The following CNTNAP2 variants were observed in gnomAD, a reference collection of about 807,000 sequenced individuals.
CNTNAP2 encodes contactin associated protein 2, also known as contactin-associated protein-like 2.
CNTNAP2 carries 98 observed loss-of-function variants against 155.2 expected under a neutral mutation model. The ratio of observed to expected loss-of-function variants is 0.63; its 90% CI spans 0.54 to 0.75. CNTNAP2 has a LOEUF of 0.75. Ranked by LOEUF, CNTNAP2 falls within the 30% of genes least tolerant of loss-of-function variation. The pLI, the probability that CNTNAP2 is intolerant of heterozygous loss-of-function variation, is 0.00. For missense variants in CNTNAP2, 1,727 were observed against 1,688.1 expected, an observed-to-expected ratio of 1.02 and a Z score of -0.40; for synonymous variants, 651 against 631.2, an observed-to-expected ratio of 1.03 and a Z score of -0.47.
rs190504817 is a variant in CNTNAP2 at position 148,125,335 on chromosome 7, T to A, written c.2554+7047T>A. Among the ~76,000 whole-genome samples the A allele has an allele frequency of 9.9e-5, 15 of 152,212 alleles. No homozygotes were observed. The East Asian group carries it at 2.9e-3, about 29-fold the overall frequency. On this transcript the variant is annotated intron_variant, in intron 16 of 23. Transcript: ENST00000361727. The stretch of plus-strand genomic sequence containing the variant: ...TGGTAAATTGCATGTCACGGGGATT[T>A]GATGTACAGATTATTTTGTCACCCA...
intron 3 of CNTNAP2, among the ~76,000 whole-genome samples, chr7:146,889,141 T>C (rs544675239): frequency 6.6e-6 from 1 of 152,304 alleles, no homozygotes; most frequent in East Asian, 1.9e-4. Flanking sequence ...TTACATTAAA[T>C]GTGTACAGCT....
chr7:146,285,978 CTGTGTGTGTGTGTG>C (rs540809295), intron 1 of CNTNAP2, among the ~76,000 whole-genome samples: 9 of 33,708 alleles, frequency 2.7e-4, no homozygotes, highest in African/African-American at 5.5e-4. Flanking sequence ...CCTTCCTTCT[CTGTGTGTGTGTGTG>C]TGTGTGTGTG....
At chr7:147,448,910 T>C (rs528431985) in intron 10 of CNTNAP2, among the ~76,000 whole-genome samples, 1 of 152,304 alleles carries the variant, frequency 6.6e-6, no homozygotes, top group Admixed American at 6.5e-5. Flanking sequence ...ATAATTTTTA[T>C]ATACATAAGG....
intron 1 of CNTNAP2, among the ~76,000 whole-genome samples, chr7:146,542,188 C>T (rs1020897272): frequency 6.6e-6 from 1 of 151,748 alleles, no homozygotes; most frequent in African/African-American, 2.4e-5. Flanking sequence ...TGATGGGGAG[C>T]TCTGGCAAAT....
chr7:146,226,706 C>T (rs192386549), intron 1 of CNTNAP2, among the ~76,000 whole-genome samples: 88 of 151,972 alleles, frequency 5.8e-4, no homozygotes, highest in South Asian at 2.1e-3. Flanking sequence ...CAAACAAACA[C>T]GTTCTGGAAG....
chr7:147,185,385 C>T (rs886481772), intron 8 of CNTNAP2, among the ~76,000 whole-genome samples: 5 of 152,034 alleles, frequency 3.3e-5, no homozygotes, highest in Non-Finnish European at 7.4e-5. Context: ...GGTATATATA[C>T]TAGAGAAATT....
chr7:147,585,050 C>T (rs1242821254), intron 12 of CNTNAP2, among the ~76,000 whole-genome samples: 1 of 152,064 alleles, frequency 6.6e-6, no homozygotes, highest in African/African-American at 2.4e-5. Context: ...TCTGTGTTGC[C>T]CACAGCCTTC....
At chr7:147,111,602 C>T (rs994789854) in intron 5 of CNTNAP2, among the ~76,000 whole-genome samples, 2 of 152,120 alleles carry the variant, frequency 1.3e-5, no homozygotes, top group African/African-American at 2.4e-5. Context: ...CCAGTTCTTC[C>T]AGCACCATTT....
chr7:147,328,798 G>A (rs1056294153), intron 9 of CNTNAP2, among the ~76,000 whole-genome samples: 2 of 151,126 alleles, frequency 1.3e-5, no homozygotes, highest in Admixed American at 1.3e-4. Flanking sequence ...GCAGGCGGGT[G>A]CCATATTACT....
chr7:146,515,881 T>C (rs920740596), intron 1 of CNTNAP2, among the ~76,000 whole-genome samples: 14 of 152,086 alleles, frequency 9.2e-5, no homozygotes, highest in Admixed American at 2.0e-4. Flanking sequence ...ATTCTGTTTA[T>C]TGACATATCA....
rs568989266 is a variant in CNTNAP2, at chr7:148,096,528, A to T, written c.2384-21590A>T. On this transcript the variant is annotated intron_variant, in intron 15 of 23. Transcript: ENST00000361727. ...GAATCCCTTATTAAAATAATTTTTG[A>T]AAAAACAGGGGTGAATATTCATGAA... 1.5e-4 allele frequency among the ~76,000 whole-genome samples: 23 copies of T among 152,246 alleles called. No individual in the cohort carries two copies. In the South Asian group the frequency reaches 4.1e-3, roughly 27 times the overall value.
chr7:146,678,949 T>C (rs1024830875), intron 1 of CNTNAP2, among the ~76,000 whole-genome samples: 1 of 152,176 alleles, frequency 6.6e-6, no homozygotes, highest in Non-Finnish European at 1.5e-5. Context: ...GCAACTTGAG[T>C]ATTTGACTCA....
intron 13 of CNTNAP2, among the ~76,000 whole-genome samples, chr7:147,899,201 G>A (rs918022753): frequency 1.3e-5 from 2 of 152,116 alleles, no homozygotes; most frequent in African/African-American, 4.8e-5. Flanking sequence ...TTAGCCAAGT[G>A]TGGTGGCATG....
At chr7:147,651,609 T>G (rs187600257) in intron 13 of CNTNAP2, among the ~76,000 whole-genome samples, 35 of 152,320 alleles carry the variant, frequency 2.3e-4, no homozygotes, top group Admixed American at 2.0e-3. Flanking sequence ...TGGAGGGATC[T>G]TCCATTGTCC....
At chr7:146,618,689 T>A (rs1355468564) in intron 1 of CNTNAP2, among the ~76,000 whole-genome samples, 3 of 152,152 alleles carry the variant, frequency 2.0e-5, no homozygotes, top group African/African-American at 7.2e-5. Context: ...GACTTTAATC[T>A]TGTTTTGTTG....
At chr7:147,119,361 T>C (rs559562083) in intron 5 of CNTNAP2, among the ~76,000 whole-genome samples, 5 of 152,292 alleles carry the variant, frequency 3.3e-5, no homozygotes, top group Admixed American at 2.0e-4. Flanking sequence ...TGATGGAGTT[T>C]TACTGACTGA....
intron 13 of CNTNAP2, among the ~76,000 whole-genome samples, chr7:147,869,233 C>T (rs531798310): frequency 6.6e-6 from 1 of 152,296 alleles, no homozygotes; most frequent in Non-Finnish European, 1.5e-5. Context: ...GTATATGACA[C>T]AGTGCATTAT....
chr7:146,609,054 C>A (rs1799092800), intron 1 of CNTNAP2, among the ~76,000 whole-genome samples: 3 of 152,116 alleles, frequency 2.0e-5, no homozygotes, highest in African/African-American at 7.2e-5. Flanking sequence ...TGGAGACACT[C>A]AAGGATTATG....
intron 3 of CNTNAP2, among the ~76,000 whole-genome samples, chr7:146,914,453 A>G (rs1472639251): frequency 6.6e-6 from 1 of 151,776 alleles, no homozygotes; most frequent in Non-Finnish European, 1.5e-5. Flanking sequence ...CCACGCCAAC[A>G]TCTATTATTT....
Sources: gnomAD v4.1 joint callset for allele counts (sites outside exome capture counted in the v4.1 genomes callset) on GRCh38, gnomAD v4.1.1 for gene constraint, MANE v1.5 for transcripts, NCBI Gene and HGNC (gene_info 2026-07-23, HGNC 2026-07-21) for gene names.